LMAN2: variants seen among roughly 807,000 people sequenced by gnomAD.
LMAN2 encodes vesicular integral-membrane protein VIP36.
In LMAN2, 22 loss-of-function variants were observed where a neutral mutation model predicts 39.3. The observed-to-expected ratio is 0.56, with a 90% CI of 0.40 to 0.80. The LOEUF is 0.80. Ranked by LOEUF, LMAN2 falls within the 30% of genes least tolerant of loss-of-function variation. The pLI, the probability that LMAN2 is intolerant of heterozygous loss-of-function variation, is 0.00. For missense variants in LMAN2, 494 were observed against 505.4 expected (o/e 0.98, Z 0.22); for synonymous variants, 207 against 207.8 (o/e 1.00, Z 0.03).
rs1761382192 is a variant in LMAN2 at position 177,331,583 on chromosome 5, AT to A, written c.*502del. ...CGGCTGAGGTTGGGTATTTCACTTT[AT>A]TTAGCAAACGGTCACACTCGGCCCC... On this transcript the variant is annotated 3_prime_UTR_variant, in exon 8 of 8. Coordinates refer to ENST00000303127, the MANE Select transcript of LMAN2 (RefSeq NM_006816.3). The A allele has an allele frequency of 6.5e-6, 1 of 153,514 alleles. No individual in the cohort carries two copies. Among genetic ancestry groups the A allele is most frequent in the African/African-American group, 2.4e-5 (1 of 41,496 alleles). 9.5% of individuals were successfully genotyped at this position (153,514 alleles called of 1,614,324 possible). A position where few individuals can be genotyped will look rare whatever the true frequency, so the allele number is the denominator to read the frequency against.
intron 2 of LMAN2, among the ~76,000 whole-genome samples, chr5:177,345,735 G>T (rs4976686): frequency 0.36 from 38,629 of 108,296 alleles, 6,006 homozygotes; most frequent in Middle Eastern, 0.54. Flanking sequence ...GCCATGGCAT[G>T]CATTTATTTA....
Position 177,332,002 on chromosome 5 carries a change from C to T in LMAN2, c.*84G>A, listed in dbSNP as rs1561602233. On this transcript the variant is annotated 3_prime_UTR_variant, in exon 8 of 8. Transcript: ENST00000303127. This position sits in a 1 kb window ranked among gnomAD's most constrained non-coding sequence, Gnocchi z 6.3. ...TGAAACAGTTAAGAAATAAGGTCAT[C>T]TTGTTGTTCTTTTATAATCCCGGTA... 3 of 1,335,396 alleles carry T rather than the reference C, an allele frequency of 2.2e-6. No individual in the cohort carries two copies. The highest frequency in any genetic ancestry group is 3.1e-6 in the Non-Finnish European group (3 of 977,528). 82.7% of individuals were successfully genotyped at this position (1,335,396 alleles called of 1,614,324 possible). A position where few individuals can be genotyped will look rare whatever the true frequency, so the allele number is the denominator to read the frequency against.
Position 177,337,404 on chromosome 5 carries a change from C to A in LMAN2, c.634G>T (p.Asp212Tyr). The A allele has an allele frequency of 5.6e-6, 9 of 1,612,956 alleles. No homozygotes were observed. Among genetic ancestry groups the A allele is most frequent in the Non-Finnish European group, 7.6e-6 (9 of 1,180,010 alleles). ...GAGTAGCGCACAGCCAGGAAGGTGT[C>A]GTGATCGCGGTTGCGGAAGTCAGCC... The part of the protein sequence containing the change: ...CTADFRNRDH[D>Y]TFLAVRYSRG... Residue 212 changes from aspartate (D) to tyrosine (Y), a missense_variant, in exon 5 of 8, where the codon GAC becomes TAC. Physicochemically the swap from Asp to Tyr is radical, Grantham distance 160. Coordinates refer to ENST00000303127, the MANE Select transcript of LMAN2 (RefSeq NM_006816.3). The surrounding 1 kb of genome is among the most constrained non-coding windows in gnomAD (Gnocchi z 8.2).
At chr5:177,343,825 T>C (rs951495033) in intron 2 of LMAN2, among the ~76,000 whole-genome samples, 23 of 152,190 alleles carry the variant, frequency 1.5e-4, no homozygotes, top group Admixed American at 2.6e-4. Context: ...GAGTTTCAGT[T>C]GGGATGAGCA....
At chr5:177,340,309 C>A (rs1194319147) in intron 2 of LMAN2, among the ~76,000 whole-genome samples, 1 of 152,132 alleles carries the variant, frequency 6.6e-6, no homozygotes, top group African/African-American at 2.4e-5. Context: ...GAACGTGTGC[C>A]ACAAAAGCAT....
intron 6 of LMAN2, chr5:177,334,604 G>C (rs1010077234): frequency 3.4e-6 from 2 of 591,582 alleles, no homozygotes; most frequent in Admixed American, 3.6e-5. Context: ...GAGGCAGAGT[G>C]GAGAGAAAAC....
chr5:177,338,142 A>C (rs1251341860), intron 3 of LMAN2, among the ~76,000 whole-genome samples: 4 of 152,188 alleles, frequency 2.6e-5, no homozygotes, highest in Non-Finnish European at 5.9e-5. Context: ...AGAGCCACCA[A>C]GGAAACACCT....
intron 2 of LMAN2, among the ~76,000 whole-genome samples, chr5:177,350,559 G>T (rs114348261): frequency 0.018 from 2,721 of 152,286 alleles, 49 homozygotes; most frequent in Non-Finnish European, 0.03. Flanking sequence ...ATTGCAAAAA[G>T]GGTTCTAAGG....
chr5:177,343,368 T>C (rs765825890), intron 2 of LMAN2, among the ~76,000 whole-genome samples: 3 of 152,168 alleles, frequency 2.0e-5, no homozygotes, highest in Non-Finnish European at 4.4e-5. Flanking sequence ...CGTTTGGTAG[T>C]CCTCAAAAAA....
intron 2 of LMAN2, among the ~76,000 whole-genome samples, chr5:177,339,192 T>C (rs1761518363): frequency 2.0e-5 from 3 of 152,176 alleles, no homozygotes; most frequent in Admixed American, 2.0e-4. Flanking sequence ...TCCCGCGGCC[T>C]GCAGGCCTTT....
chr5:177,339,118 C>A (rs1382838032), intron 2 of LMAN2, among the ~76,000 whole-genome samples: 1 of 152,212 alleles, frequency 6.6e-6, no homozygotes, highest in Admixed American at 6.5e-5. Context: ...CTCTGCTCAG[C>A]GGACTGTCTG....
rs896041011 is a variant in LMAN2, at chr5:177,336,761, C to T, written c.790+375G>A. The T allele has an allele frequency of 1.1e-5, 4 of 358,798 alleles. No individual in the cohort carries two copies. The Admixed American group carries it at 1.3e-4, about 12-fold the overall frequency. 22.2% of individuals were successfully genotyped at this position (358,798 alleles called of 1,614,324 possible). A position where few individuals can be genotyped will look rare whatever the true frequency, so the allele number is the denominator to read the frequency against. ...GAGATAAATCTGGGAATCTACATTGCCCAAATCTAACTGACCCGCTGCCTC... is the reference window on the plus strand; with the variant it reads ...GAGATAAATCTGGGAATCTACATTGTCCAAATCTAACTGACCCGCTGCCTC... On this transcript the variant is annotated intron_variant, in intron 6 of 7. Transcript: ENST00000303127.
At chr5:177,340,673 G>A (rs1449899475) in intron 2 of LMAN2, among the ~76,000 whole-genome samples, 5 of 152,052 alleles carry the variant, frequency 3.3e-5, no homozygotes, top group African/African-American at 1.2e-4. Flanking sequence ...GGGAGGCTGA[G>A]GCGGGAGAAC....
At chr5:177,338,210 TACA>T (rs894935170) in intron 3 of LMAN2, among the ~76,000 whole-genome samples, 6 of 152,202 alleles carry the variant, frequency 3.9e-5, no homozygotes, top group Non-Finnish European at 7.4e-5. Flanking sequence ...TTGGCTTTTT[TACA>T]ACAATAACTG....
In LMAN2 at chr5:177,341,924, A is replaced by C. The variant is rs1761559400; in HGVS notation, c.316-3319T>G. Among the ~76,000 whole-genome samples, 3 of 152,238 alleles carry C rather than the reference A, an allele frequency of 2.0e-5. No homozygotes were observed. The South Asian group carries it at 6.2e-4, about 31-fold the overall frequency. ...GCCTGCTTTAAATTCTAGGGTGACCACTTAAAACTGAGAAAAGAGCATATA... is the reference window on the plus strand; with the variant it reads ...GCCTGCTTTAAATTCTAGGGTGACCCCTTAAAACTGAGAAAAGAGCATATA... On this transcript the variant is annotated intron_variant, in intron 2 of 7. Coordinates refer to ENST00000303127, the MANE Select transcript of LMAN2 (RefSeq NM_006816.3).
intron 2 of LMAN2, among the ~76,000 whole-genome samples, chr5:177,344,249 T>G (rs1761602115): frequency 6.6e-6 from 1 of 151,068 alleles, no homozygotes; most frequent in Non-Finnish European, 1.5e-5. Context: ...TTTTTTAATT[T>G]TAAAAACTGG....
intron 2 of LMAN2, 73 bp from the exon 3 acceptor site, chr5:177,338,678 G>T: frequency 8.2e-7 from 1 of 1,222,626 alleles, no homozygotes; most frequent in Non-Finnish European, 1.2e-6. Context: ...ACCCCAGCAC[G>T]GCCCCTGCCC....
intron 1 of LMAN2, 22 bp downstream of exon 1, chr5:177,351,430 A>C (rs1283404341): frequency 6.2e-7 from 1 of 1,609,340 alleles, no homozygotes; most frequent in African/African-American, 1.3e-5. Flanking sequence ...CTCTTCACTC[A>C]TTCCCGCCCC....
intron 2 of LMAN2, among the ~76,000 whole-genome samples, chr5:177,345,053 T>C (rs1385561401): frequency 2.0e-5 from 3 of 151,406 alleles, no homozygotes; most frequent in East Asian, 2.0e-4. Flanking sequence ...TTAAATGCCA[T>C]TGTCAGGCTG....
Sources: allele counts gnomAD v4.1 joint callset (sites outside exome capture counted in the v4.1 genomes callset), GRCh38; gene constraint gnomAD v4.1.1; non-coding constraint Gnocchi (gnomAD v3.1); transcripts MANE v1.5; gene names NCBI Gene and HGNC (gene_info 2026-07-23, HGNC 2026-07-21).